The following SMAP1 variants were observed in gnomAD, a reference collection of about 807,000 sequenced individuals.
The protein encoded by SMAP1 is small ArfGAP 1, also known as stromal membrane-associated protein 1.
In SMAP1, 24 loss-of-function variants were observed where a neutral mutation model predicts 58.5. The observed-to-expected ratio is 0.41, with a 90% CI of 0.30 to 0.58. The LOEUF is 0.58. SMAP1 is among the 20% of genes least tolerant of loss of function. The pLI, the probability that SMAP1 is intolerant of heterozygous loss-of-function variation, is 0.29. For synonymous variants in SMAP1, 216 were observed against 196.6 expected, an observed-to-expected ratio of 1.10 and a Z score of -0.82; for missense variants, 563 against 566.3, an observed-to-expected ratio of 0.99 and a Z score of 0.06.
intron 6 of SMAP1, among the ~76,000 whole-genome samples, chr6:70,820,223 T>G (rs949956884): frequency 3.3e-5 from 5 of 152,220 alleles, no homozygotes; most frequent in African/African-American, 1.2e-4. Flanking sequence ...TTCTTTTGAT[T>G]AAATATATAA....
chr6:70,726,526 TA>T (rs1290118961), intron 1 of SMAP1, among the ~76,000 whole-genome samples: 2 of 152,254 alleles, frequency 1.3e-5, no homozygotes, highest in African/African-American at 4.8e-5. Flanking sequence ...TAGTTAGCAT[TA>T]AATTCTTTGT....
intron 1 of SMAP1, among the ~76,000 whole-genome samples, chr6:70,680,605 C>T (rs752010781): frequency 6.7e-5 from 10 of 150,268 alleles, no homozygotes; most frequent in Non-Finnish European, 1.3e-4. Context: ...TAATGTTTTA[C>T]AGTACAAAGC....
chr6:70,837,238 A>G (rs564864715), intron 7 of SMAP1, among the ~76,000 whole-genome samples: 46 of 152,206 alleles, frequency 3.0e-4, no homozygotes, highest in Admixed American at 6.5e-4. Context: ...ACTGAAATAC[A>G]AGTAATGAGT....
At chr6:70,693,893 C>G (rs1224993664) in intron 1 of SMAP1, 1 of 152,980 alleles carries the variant, frequency 6.5e-6, no homozygotes, top group African/African-American at 2.4e-5. Context: ...GGATACCCAG[C>G]TTCTCTTAAC....
chr6:70,800,379 T>A (rs139617272), intron 6 of SMAP1, among the ~76,000 whole-genome samples: 3,571 of 152,268 alleles, frequency 0.023, 52 homozygotes, highest in Non-Finnish European at 0.037. Flanking sequence ...TTCTGTTGGA[T>A]TGCCTGCTTT....
At chr6:70,669,231 T>C (rs1554187256) in intron 1 of SMAP1, among the ~76,000 whole-genome samples, 1 of 152,196 alleles carries the variant, frequency 6.6e-6, no homozygotes. Flanking sequence ...ACAGTCTCTT[T>C]GGGGAATGTC....
chr6:70,849,227 T>C (rs1771098595), intron 7 of SMAP1, among the ~76,000 whole-genome samples: 1 of 152,146 alleles, frequency 6.6e-6, no homozygotes, highest in Non-Finnish European at 1.5e-5. Flanking sequence ...GTGTCAGCCT[T>C]GCCACAAAGA....
intron 2 of SMAP1, among the ~76,000 whole-genome samples, chr6:70,751,200 A>C (rs1029101440): frequency 1.3e-5 from 2 of 152,214 alleles, no homozygotes; most frequent in African/African-American, 4.8e-5. Context: ...AGATTGTGCC[A>C]CTGCACTCAA....
At position 70,742,037 on chromosome 6, in the gene SMAP1, C is replaced by A. The variant is rs940912555; in HGVS notation, c.252+9526C>A. On this transcript the variant is annotated intron_variant, in intron 2 of 10. Transcript: ENST00000370455. ...GGGCCCTGGCCCTGGCCCACAAAAG[C>A]ATTTCTTCCTTCTAGGCCCCTAAGC... Among the ~76,000 whole-genome samples the A allele has an allele frequency of 2.6e-5, 4 of 152,210 alleles. No individual in the cohort carries two copies. In the East Asian group the frequency reaches 7.7e-4, roughly 29 times the overall value.
intron 2 of SMAP1, among the ~76,000 whole-genome samples, chr6:70,743,124 A>G (rs1024042553): frequency 6.6e-6 from 1 of 152,134 alleles, no homozygotes; most frequent in Non-Finnish European, 1.5e-5. Context: ...TTTCCAGTTT[A>G]TATATCTCTT....
At chr6:70,699,337 C>G (rs563285017) in intron 1 of SMAP1, among the ~76,000 whole-genome samples, 1 of 152,162 alleles carries the variant, frequency 6.6e-6, no homozygotes, top group Admixed American at 6.5e-5. Flanking sequence ...ACTGGGACTG[C>G]GCTGGATTAG....
At chr6:70,843,016 T>G (rs1056467059) in intron 7 of SMAP1, among the ~76,000 whole-genome samples, 2 of 152,108 alleles carry the variant, frequency 1.3e-5, no homozygotes, top group African/African-American at 4.8e-5. Context: ...ATAGTATTCA[T>G]CCTATAGAAT....
In SMAP1 at chr6:70,754,519, T is replaced by C. The variant is rs541295048; in HGVS notation, c.253-461T>C. 5.3e-5 allele frequency among the ~76,000 whole-genome samples: 8 copies of C among 152,262 alleles called. No individual in the cohort carries two copies. The East Asian group carries it at 1.5e-3, about 29-fold the overall frequency. ...TTTTTACAGAGTTTTAGGTCAGCAC[T>C]GTTTCTCTCTTATCTGGCCTTCATT... On this transcript the variant is annotated intron_variant, in intron 2 of 10. Coordinates refer to ENST00000370455, the MANE Select transcript of SMAP1 (RefSeq NM_001044305.3).
chr6:70,834,242 A>G (rs894204925), intron 6 of SMAP1, among the ~76,000 whole-genome samples: 3 of 152,148 alleles, frequency 2.0e-5, no homozygotes, highest in African/African-American at 7.2e-5. Flanking sequence ...TTGAATTTTT[A>G]AAAAAGATCC....
At chr6:70,855,665 G>C (rs1205647159) in intron 8 of SMAP1, among the ~76,000 whole-genome samples, 1 of 152,172 alleles carries the variant, frequency 6.6e-6, no homozygotes, top group African/African-American at 2.4e-5. Flanking sequence ...AAGTTTATAG[G>C]AGAGAGACTG....
At chr6:70,833,765 A>G (rs1770457577) in intron 6 of SMAP1, among the ~76,000 whole-genome samples, 1 of 152,020 alleles carries the variant, frequency 6.6e-6, no homozygotes, top group South Asian at 2.1e-4. Context: ...AGTGTACTCT[A>G]TTTTCTATTC....
In SMAP1 at chr6:70,860,212, A is replaced by G; in HGVS notation, c.1282A>G (p.Met428Val). ...QWSLSQMNQQ[M>V]AGMSISSATP... ...ATATGTTTCACAGATGAATCAGCAG[A>G]TGGCTGGCATGAGTATCAGTAGTGC... is the stretch of plus-strand genomic sequence containing the variant. The change falls in exon 11 of 11, where the codon ATG (methionine) becomes GTG (valine). Residue 428 changes from methionine (M) to valine (V), a missense_variant. This residue lies in a region of SMAP1 where 494 missense variants were observed against 473.8 expected (regional missense o/e 1.04). Transcript: ENST00000370455. 6.2e-7 allele frequency: 1 copy of G among 1,609,362 alleles called. No individual in the cohort carries two copies. Among genetic ancestry groups the G allele is most frequent in the South Asian group, 1.1e-5 (1 of 89,986 alleles).
Position 70,684,466 on chromosome 6 carries a change from C to T in SMAP1, c.118+16325C>T, listed in dbSNP as rs1581995411. ...TTTGGCAAGGGATAAACTTTAAGAC[C>T]ATCAGGTGAAGCAAGGATTATGGAT... On this transcript the variant is annotated intron_variant, in intron 1 of 10. Coordinates refer to ENST00000370455, the MANE Select transcript of SMAP1 (RefSeq NM_001044305.3). 3.3e-5 allele frequency among the ~76,000 whole-genome samples: 5 copies of T among 152,228 alleles called. No individual in the cohort carries two copies. In the East Asian group the frequency reaches 5.8e-4, roughly 18 times the overall value.
intron 6 of SMAP1, among the ~76,000 whole-genome samples, chr6:70,816,334 A>C (rs1562181393): frequency 6.6e-6 from 1 of 152,096 alleles, no homozygotes; most frequent in Non-Finnish European, 1.5e-5. Flanking sequence ...TCTGATTTTG[A>C]GTGGGGAAGT....
Sources: gnomAD v4.1 joint callset for allele counts (sites outside exome capture counted in the v4.1 genomes callset) on GRCh38, gnomAD v4.1.1 for gene constraint, gnomAD v4.1.1 regional missense constraint, MANE v1.5 for transcripts, NCBI Gene and HGNC (gene_info 2026-07-23, HGNC 2026-07-21) for gene names.